The following CDC42EP5 variants were observed in gnomAD, a reference collection of about 807,000 sequenced individuals.
CDC42EP5 encodes the protein CDC42 effector protein (Rho GTPase binding) 5.
For missense variants in CDC42EP5, 269 were observed against 238.0 expected, an observed-to-expected ratio of 1.13 and a Z score of -0.86; for synonymous variants, 118 against 123.3, an observed-to-expected ratio of 0.96 and a Z score of 0.28.
At chr19:54,472,765 A>AC (rs1322262409) in intron 1 of CDC42EP5, among the ~76,000 whole-genome samples, 2 of 43,646 alleles carry the variant, frequency 4.6e-5, no homozygotes, top group Non-Finnish European at 8.8e-5. Context: ...AGGAGTCCAG[A>AC]CCCCCAGCCC....
intron 2 of CDC42EP5, among the ~76,000 whole-genome samples, chr19:54,468,689 T>C (rs1723688558): frequency 6.6e-6 from 1 of 150,832 alleles, no homozygotes. Context: ...GACTACAGGC[T>C]CATGCTACCA....
In CDC42EP5 at chr19:54,470,568, G is replaced by C. The variant is rs1421607652; in HGVS notation, c.-1+977C>G. Among the ~76,000 whole-genome samples, 6 of 152,096 alleles carry C rather than the reference G, an allele frequency of 3.9e-5. No individual in the cohort carries two copies. In the East Asian group the frequency reaches 1.2e-3, roughly 29 times the overall value. On this transcript the variant is annotated intron_variant, in intron 2 of 2. Transcript: ENST00000301200. ...AGAAAGAAAAAAAGAAGGAAAGAAA[G>C]AAAGGGAAGAAAGAAAGACTACACT...
chr19:54,468,920 C>CTTTCTTTCT (rs61013497), intron 2 of CDC42EP5, among the ~76,000 whole-genome samples: 1 of 124,010 alleles, frequency 8.1e-6, no homozygotes, highest in East Asian at 3.1e-4. Flanking sequence ...TCCTTCCTTC[C>CTTTCTTTCT]TTCTTTCTTT....
intron 2 of CDC42EP5, among the ~76,000 whole-genome samples, chr19:54,467,930 G>A (rs139041906): frequency 1.3e-5 from 2 of 152,230 alleles, no homozygotes; most frequent in Non-Finnish European, 1.5e-5. Context: ...TTGTACTTTT[G>A]TTTTAACAGT....
chr19:54,473,267 T>G lies in CDC42EP5; in HGVS notation c.-345A>C. On this transcript the variant is annotated 5_prime_UTR_variant, in exon 1 of 3. Transcript: ENST00000301200. ...AGCTGAGGCCCCTCTGGGCGGAGTGTGGGGGCGGGAGGAGGCCAGGACTAA... is the reference window on the plus strand; with the variant it reads ...AGCTGAGGCCCCTCTGGGCGGAGTGGGGGGGCGGGAGGAGGCCAGGACTAA... The G allele has an allele frequency of 7.1e-6, 1 of 141,242 alleles. No homozygotes were observed. Among genetic ancestry groups the G allele is most frequent in the African/African-American group, 2.7e-5 (1 of 36,716 alleles). The allele number at this position is 141,242 out of a possible 1,614,324, so 8.7% of individuals were successfully genotyped here.
intron 2 of CDC42EP5, 45 bp from the exon 3 acceptor site, chr19:54,465,592 C>T (rs2084745436): frequency 7.1e-7 from 1 of 1,404,978 alleles, no homozygotes; most frequent in Non-Finnish European, 9.2e-7. Context: ...GCCCGGGGCT[C>T]GCAGCCACGC....
intron 2 of CDC42EP5, among the ~76,000 whole-genome samples, chr19:54,468,235 A>G (rs1284401148): frequency 6.6e-6 from 1 of 152,180 alleles, no homozygotes; most frequent in Non-Finnish European, 1.5e-5. Flanking sequence ...AGCCGCTGAC[A>G]TTGTTTTCAC....
chr19:54,469,700 GATCA>G (rs2084809311), intron 2 of CDC42EP5, among the ~76,000 whole-genome samples: 1 of 152,216 alleles, frequency 6.6e-6, no homozygotes, highest in African/African-American at 2.4e-5. Context: ...TCACACCTCG[GATCA>G]TTCTCCCAGT....
intron 2 of CDC42EP5, 146 bp from the exon 3 acceptor site, chr19:54,465,693 T>C (rs905688704): frequency 8.5e-6 from 9 of 1,055,558 alleles, no homozygotes; most frequent in Non-Finnish European, 8.7e-6. Flanking sequence ...TGGAGTTCAA[T>C]GGCGCCATCC....
At chr19:54,465,924 C>A (rs1333145858) in intron 2 of CDC42EP5, among the ~76,000 whole-genome samples, 1 of 151,534 alleles carries the variant, frequency 6.6e-6, no homozygotes, top group African/African-American at 2.4e-5. Context: ...CGTGAGCCAC[C>A]GCGCCCGGCC....
At position 54,465,200 on chromosome 19, in the gene CDC42EP5, G is replaced by T. The variant is rs776519768; in HGVS notation, c.348C>A (p.Ala116=). 7.0e-7 allele frequency: 1 copy of T among 1,438,744 alleles called. No homozygotes were observed. The allele number at this position is 1,438,744 out of a possible 1,614,324, so 89.1% of individuals were successfully genotyped here. A position where few individuals can be genotyped will look rare whatever the true frequency, so the allele number is the denominator to read the frequency against. ...GGCGGGGTTCCGCGTCGGGCTTGGC[G>T]GCAGCCGCCTCCGGGCGCGCCGCGT... ...VMDAARPEAA[A]AKPDAEPRPG... Residue 116 remains alanine (A), a synonymous_variant, in exon 3 of 3, where the codon GCC becomes GCA. Coordinates refer to ENST00000301200, the MANE Select transcript of CDC42EP5 (RefSeq NM_145057.4).
Position 54,465,542 on chromosome 19 carries a change from G to C in CDC42EP5, c.6C>G (p.Pro2=), listed in dbSNP as rs1230573481. 5.2e-6 allele frequency: 8 copies of C among 1,528,600 alleles called. No individual in the cohort carries two copies. Among genetic ancestry groups the C allele is most frequent in the Middle Eastern group, 4.5e-4 (2 of 4,488 alleles). 94.7% of individuals were successfully genotyped at this position (1,528,600 alleles called of 1,614,324 possible). M[P]VLKQLGPAQP... Reference sequence around the variant, plus strand: ...GCGCGGGGCCCAGCTGCTTCAGCACGGGCATCTGCGAGGGGCACGGGAGGG... The same window carrying C: ...GCGCGGGGCCCAGCTGCTTCAGCACCGGCATCTGCGAGGGGCACGGGAGGG... The change falls in exon 3 of 3, where the codon CCC becomes CCG. Residue 2 remains proline, a synonymous_variant. Coordinates refer to ENST00000301200, the MANE Select transcript of CDC42EP5 (RefSeq NM_145057.4).
rs906003041 is a variant in CDC42EP5, at chr19:54,469,088, A to G, written c.-1+2457T>C. On this transcript the variant is annotated intron_variant, in intron 2 of 2. Transcript: ENST00000301200. Reference sequence around the variant, plus strand: ...CGGCTCACTGCAACCTCCGCCTCCCAGGTTCAAGTGATTCTCCTGCCTCAG... The same window carrying G: ...CGGCTCACTGCAACCTCCGCCTCCCGGGTTCAAGTGATTCTCCTGCCTCAG... 1.1e-4 allele frequency among the ~76,000 whole-genome samples: 17 copies of G among 151,420 alleles called. No individual in the cohort carries two copies. In the South Asian group the frequency reaches 3.6e-3, roughly 32 times the overall value.
rs1396436107 is a variant in CDC42EP5, at chr19:54,465,327, G to A, written c.221C>T (p.Pro74Leu). 1.7e-6 allele frequency: 2 copies of A among 1,189,830 alleles called. No homozygotes were observed. The highest frequency in any genetic ancestry group is 3.2e-5 in the African/African-American group (2 of 62,388). 73.7% of individuals were successfully genotyped at this position (1,189,830 alleles called of 1,614,324 possible). A position where few individuals can be genotyped will look rare whatever the true frequency, so the allele number is the denominator to read the frequency against. The change falls in exon 3 of 3, where the codon CCC becomes CTC. Residue 74 changes from proline to leucine, a missense_variant. Physicochemically the swap from Pro to Leu is moderately conservative, Grantham distance 98. Transcript: ENST00000301200. ...PAGAPRSPPP[P>L]AVPQSAAPSP... Reference sequence around the variant, plus strand: ...GGGCGCTGCGGACTGCGGGACGGCGGGCGGCGGCGGGGAGCGCGGGGCCCC... The same window carrying A: ...GGGCGCTGCGGACTGCGGGACGGCGAGCGGCGGCGGGGAGCGCGGGGCCCC...
At chr19:54,468,157 G>A (rs1476629566) in intron 2 of CDC42EP5, among the ~76,000 whole-genome samples, 10 of 152,270 alleles carry the variant, frequency 6.6e-5, no homozygotes, top group Admixed American at 5.2e-4. Context: ...GCGTTGGGGG[G>A]AAAATATTTC....
chr19:54,465,705 G>A (rs1233714183), intron 2 of CDC42EP5, among the ~76,000 whole-genome samples, 158 bp from the exon 3 acceptor site: 1 of 152,128 alleles, frequency 6.6e-6, no homozygotes, highest in East Asian at 1.9e-4. Flanking sequence ...GCGCCATCCC[G>A]GCTCACCGCA....
intron 2 of CDC42EP5, among the ~76,000 whole-genome samples, chr19:54,468,941 C>G (rs1301912701): frequency 4.8e-5 from 2 of 42,004 alleles, no homozygotes; most frequent in African/African-American, 1.6e-4. Flanking sequence ...CTTTTCTTCC[C>G]TCCCTCCCTC....
chr19:54,465,596 G>T, intron 2 of CDC42EP5, 49 bp from the exon 3 acceptor site: 1 of 1,401,578 alleles, frequency 7.1e-7, no homozygotes, highest in Middle Eastern at 2.6e-4. Context: ...GGGGCTCGCA[G>T]CCACGCGACT....
chr19:54,469,379 A>T (rs1045004324), intron 2 of CDC42EP5, among the ~76,000 whole-genome samples: 7 of 69,030 alleles, frequency 1.0e-4, no homozygotes, highest in African/African-American at 1.5e-4. Context: ...TCCACAGTTT[A>T]AAAAAAAAAT....
Sources: allele counts gnomAD v4.1 joint callset (sites outside exome capture counted in the v4.1 genomes callset), GRCh38; gene constraint gnomAD v4.1.1; transcripts MANE v1.5; gene names NCBI Gene and HGNC (gene_info 2026-07-23, HGNC 2026-07-21).